Variants in SWT1 observed in about 807,000 individuals in gnomAD.
SWT1 encodes SWT1 RNA endoribonuclease homolog.
Under a neutral mutation model 107.3 loss-of-function variants are expected in SWT1, and 33 were observed. The observed-to-expected ratio is 0.31, with a 90% CI of 0.23 to 0.41. SWT1 has a LOEUF of 0.41. Among genes scored for constraint, SWT1 ranks in the 10% least tolerant of loss-of-function variants. SWT1 has a pLI of 1.00. For synonymous variants in SWT1, 345 were observed against 348.3 expected (o/e 0.99, Z 0.11); for missense variants, 898 against 1,028.9 (o/e 0.87, Z 1.74).
chr1:185,222,562 G>C (rs1473379671), intron 15 of SWT1, among the ~76,000 whole-genome samples: 1 of 151,766 alleles, frequency 6.6e-6, no homozygotes, highest in African/African-American at 2.4e-5. Context: ...TTTGAAACCA[G>C]CCTGGCCAAC....
intron 18 of SWT1, among the ~76,000 whole-genome samples, chr1:185,283,542 T>G (rs749171350): frequency 6.6e-6 from 1 of 150,590 alleles, no homozygotes; most frequent in Non-Finnish European, 1.5e-5. Flanking sequence ...TAGGCAAGTA[T>G]GTAAGGTTTT....
At chr1:185,173,649 G>C (rs1655290432) in intron 4 of SWT1, among the ~76,000 whole-genome samples, 1 of 151,852 alleles carries the variant, frequency 6.6e-6, no homozygotes, top group Non-Finnish European at 1.5e-5. Flanking sequence ...GTTGAGTTTG[G>C]AGTGAGCCAA....
intron 9 of SWT1, among the ~76,000 whole-genome samples, chr1:185,185,148 A>G (rs767433854): frequency 2.1e-4 from 32 of 152,338 alleles, no homozygotes; most frequent in Middle Eastern, 3.4e-3. Flanking sequence ...TATTTCACAG[A>G]TAGTGACTGT....
chr1:185,176,740 T>G, intron 5 of SWT1: 1 of 939,050 alleles, frequency 1.1e-6, no homozygotes. Flanking sequence ...ATCCCAGCAC[T>G]TTGGGAGGCC....
intron 16 of SWT1, among the ~76,000 whole-genome samples, chr1:185,242,389 T>C (rs1260858843): frequency 2.0e-5 from 3 of 152,218 alleles, no homozygotes; most frequent in African/African-American, 7.2e-5. Flanking sequence ...TGACTTAATT[T>C]TTAGAATAAC....
At chr1:185,241,764 A>G (rs957768619) in intron 16 of SWT1, among the ~76,000 whole-genome samples, 2 of 152,126 alleles carry the variant, frequency 1.3e-5, no homozygotes, top group Non-Finnish European at 2.9e-5. Flanking sequence ...AATGCTAATT[A>G]TACTACATTA....
At position 185,291,284 on chromosome 1, in the gene SWT1, G is replaced by A. The variant is rs1303382605; in HGVS notation, c.*481G>A. 2 of 152,604 alleles carry A rather than the reference G, an allele frequency of 1.3e-5. No homozygotes were observed. Among genetic ancestry groups the A allele is most frequent in the African/African-American group, 4.8e-5 (2 of 41,426 alleles). The allele number at this position is 152,604 out of a possible 1,614,324, so 9.5% of individuals were successfully genotyped here. A position where few individuals can be genotyped will look rare whatever the true frequency, so the allele number is the denominator to read the frequency against. ...GTGGGCTGTTTTTTATGATCAAACT[G>A]TCATCCATGTTGACCTGATGAAAAT... On this transcript the variant is annotated 3_prime_UTR_variant, in exon 19 of 19. Coordinates refer to ENST00000367500, the MANE Select transcript of SWT1 (RefSeq NM_017673.7).
chr1:185,256,005 G>C (rs901318374), intron 16 of SWT1, among the ~76,000 whole-genome samples: 28 of 151,752 alleles, frequency 1.8e-4, no homozygotes, highest in African/African-American at 6.5e-4. Flanking sequence ...GCATTTGCTT[G>C]TCTGTAAAGT....
At chr1:185,171,734 C>CG in intron 4 of SWT1, 12 of 447,474 alleles carry the variant, frequency 2.7e-5, no homozygotes, top group Admixed American at 7.8e-5. Context: ...GCAGAAAGGG[C>CG]ATTTTTTTTT....
At chr1:185,263,625 A>T (rs1457102167) in intron 16 of SWT1, 2 of 152,198 alleles carry the variant, frequency 1.3e-5, no homozygotes, top group African/African-American at 4.8e-5. Context: ...AATTAACGAG[A>T]TGGATTTTTG....
Position 185,208,742 on chromosome 1 carries a change from C to T in SWT1, c.1972+1979C>T, listed in dbSNP as rs199569892. On this transcript the variant is annotated intron_variant, in intron 13 of 18. Coordinates refer to ENST00000367500, the MANE Select transcript of SWT1 (RefSeq NM_017673.7). ...TCCATGTTAGATGTTCGATGAATAT[C>T]TTTTTTTTTTTTTTGATCTCCTAAC... Among the ~76,000 whole-genome samples the T allele has an allele frequency of 8.1e-3, 1,156 of 142,792 alleles. 13 individuals are homozygous for T. Among genetic ancestry groups the T allele is most frequent in the Non-Finnish European group, 0.012 (780 of 65,280 alleles). 93.7% of individuals were successfully genotyped at this position (142,792 alleles called of 152,430 possible). A position where few individuals can be genotyped will look rare whatever the true frequency, so the allele number is the denominator to read the frequency against.
Position 185,160,929 on chromosome 1 carries a change from A to G in SWT1, c.84+4A>G, listed in dbSNP as rs1456991913. The G allele has an allele frequency of 6.2e-7, 1 of 1,606,808 alleles. No individual in the cohort carries two copies. The highest frequency in any genetic ancestry group is 1.3e-5 in the African/African-American group (1 of 74,746). On this transcript the variant is annotated splice_donor_region_variant and intron_variant, in intron 2 of 18. Coordinates refer to ENST00000367500, the MANE Select transcript of SWT1 (RefSeq NM_017673.7). The stretch of plus-strand genomic sequence containing the variant: ...ATCACCCAATTTTGGTGAAAAAGTA[A>G]GAATTTTGATTTACTGACCTAGAGA...
chr1:185,252,113 A>T (rs1488248579), intron 16 of SWT1, among the ~76,000 whole-genome samples: 1 of 152,196 alleles, frequency 6.6e-6, no homozygotes, highest in Non-Finnish European at 1.5e-5. Context: ...ACATGAACTC[A>T]TCATTTTTTA....
At chr1:185,199,650 G>A (rs1417222908) in intron 10 of SWT1, among the ~76,000 whole-genome samples, 2 of 152,132 alleles carry the variant, frequency 1.3e-5, no homozygotes, top group African/African-American at 4.8e-5. Context: ...TGGGTAACCC[G>A]ACTTTTCTCT....
At chr1:185,181,409 T>C (rs889974691) in intron 6 of SWT1, among the ~76,000 whole-genome samples, 1 of 152,246 alleles carries the variant, frequency 6.6e-6, no homozygotes, top group African/African-American at 2.4e-5. Flanking sequence ...TTTCATTTCT[T>C]TGTGTCACAA....
At chr1:185,254,942 C>G (rs1488121068) in intron 16 of SWT1, among the ~76,000 whole-genome samples, 3 of 152,152 alleles carry the variant, frequency 2.0e-5, no homozygotes, top group Non-Finnish European at 4.4e-5. Context: ...CCTCTACACA[C>G]TGCGTTGAAT....
chr1:185,171,668 T>G (rs1325612147), intron 4 of SWT1: 3 of 522,386 alleles, frequency 5.7e-6, no homozygotes, highest in Non-Finnish European at 1.1e-5. Context: ...CTGCTTCTTT[T>G]TTTTTTGCCC....
At chr1:185,214,214 C>T (rs1467350184) in intron 13 of SWT1, among the ~76,000 whole-genome samples, 1 of 152,068 alleles carries the variant, frequency 6.6e-6, no homozygotes, top group Non-Finnish European at 1.5e-5. Context: ...GTGATTTTCT[C>T]TTTTTTCTGG....
chr1:185,212,375 CA>C (rs1342072313), intron 13 of SWT1, among the ~76,000 whole-genome samples: 2 of 151,964 alleles, frequency 1.3e-5, no homozygotes, highest in Non-Finnish European at 2.9e-5. Flanking sequence ...TTTTTCCTGG[CA>C]GGGGGGTCTG....
Sources: allele counts gnomAD v4.1 joint callset (sites outside exome capture counted in the v4.1 genomes callset), GRCh38; gene constraint gnomAD v4.1.1; transcripts MANE v1.5; gene names NCBI Gene and HGNC (gene_info 2026-07-23, HGNC 2026-07-21).